The following FBLN2 variants were observed in gnomAD, a reference collection of about 807,000 sequenced individuals.
FBLN2 encodes the protein fibulin 2.
FBLN2 carries 81 observed loss-of-function variants against 123.7 expected under a neutral mutation model. That is an observed-to-expected ratio of 0.65 (90% confidence interval 0.55 to 0.79). The LOEUF (loss-of-function observed/expected upper bound fraction) is 0.79, where lower values mean the gene tolerates loss of function less well. FBLN2 is among the 30% of genes least tolerant of loss of function. The pLI, the probability that FBLN2 is intolerant of heterozygous loss-of-function variation, is 0.00. For synonymous variants in FBLN2, 699 were observed against 701.4 expected, an observed-to-expected ratio of 1.00 and a Z score of 0.05; for missense variants, 1,603 against 1,681.3, an observed-to-expected ratio of 0.95 and a Z score of 0.81.
Position 13,626,597 on chromosome 3 carries a change from G to A in FBLN2, c.2431+18G>A. The A allele has an allele frequency of 6.6e-7, 1 of 1,526,588 alleles. No homozygotes were observed. Among genetic ancestry groups the A allele is most frequent in the South Asian group, 1.2e-5 (1 of 81,950 alleles). The allele number at this position is 1,526,588 out of a possible 1,614,324, so 94.6% of individuals were successfully genotyped here. A position where few individuals can be genotyped will look rare whatever the true frequency, so the allele number is the denominator to read the frequency against. On this transcript the variant is annotated intron_variant, in intron 10 of 17. Transcript: ENST00000404922. ...GTGCGAAGGTGAGAAGGGCCCAGAA[G>A]GACCAACTGGAGGCCCCGCCCCATG...
At chr3:13,615,723 G>A (rs1705576162) in intron 5 of FBLN2, among the ~76,000 whole-genome samples, 1 of 152,236 alleles carries the variant, frequency 6.6e-6, no homozygotes, top group African/African-American at 2.4e-5. Context: ...CAGCTCAGAG[G>A]GGGAAGATGA....
In FBLN2 at chr3:13,630,037, A is replaced by AC. The variant is rs1405524998; in HGVS notation, c.2968+95dup. The AC allele has an allele frequency of 2.0e-6, 3 of 1,528,732 alleles. No homozygotes were observed. The African/African-American group carries it at 4.1e-5, about 21-fold the overall frequency. 94.7% of individuals were successfully genotyped at this position (1,528,732 alleles called of 1,614,324 possible). On this transcript the variant is annotated intron_variant, in intron 14 of 17. Coordinates refer to ENST00000404922, the MANE Select transcript of FBLN2 (RefSeq NM_001004019.2). ...GGCCCAGAGCCTTCTGTGACCCTTCACCCTTACACCTTCACCCTCACACCT... is the reference window on the plus strand; with the variant it reads ...GGCCCAGAGCCTTCTGTGACCCTTCACCCCTTACACCTTCACCCTCACACCT...
chr3:13,588,748 A>G (rs1457661322), intron 2 of FBLN2, among the ~76,000 whole-genome samples: 1 of 152,250 alleles, frequency 6.6e-6, no homozygotes, highest in Non-Finnish European at 1.5e-5. Context: ...TTGATTTTTT[A>G]TCAATCATTA....
intron 2 of FBLN2, among the ~76,000 whole-genome samples, chr3:13,574,863 C>A (rs1253586105): frequency 2.0e-5 from 3 of 152,194 alleles, no homozygotes; most frequent in Non-Finnish European, 2.9e-5. Flanking sequence ...GATCCCCCAC[C>A]CGCTGGGCTT....
At chr3:13,612,190 C>G (rs1705411739) in intron 4 of FBLN2, among the ~76,000 whole-genome samples, 1 of 152,088 alleles carries the variant, frequency 6.6e-6, no homozygotes, top group African/African-American at 2.4e-5. Context: ...TTGACAGGGT[C>G]TAGAAACGTT....
chr3:13,607,539 G>A (rs745983284), intron 2 of FBLN2, among the ~76,000 whole-genome samples: 3 of 152,150 alleles, frequency 2.0e-5, no homozygotes. Flanking sequence ...TAAAACTTCC[G>A]TGAATTTCCT....
At chr3:13,559,764 C>T (rs1703557541) in intron 1 of FBLN2, among the ~76,000 whole-genome samples, 1 of 152,130 alleles carries the variant, frequency 6.6e-6, no homozygotes, top group African/African-American at 2.4e-5. Flanking sequence ...CTCCAGGGGG[C>T]CAGAGCTGAT....
chr3:13,566,821 C>T (rs1317769893), intron 1 of FBLN2, among the ~76,000 whole-genome samples: 1 of 152,162 alleles, frequency 6.6e-6, no homozygotes, highest in Non-Finnish European at 1.5e-5. Context: ...TGCTGGTAAC[C>T]AATTTAAAAT....
At chr3:13,562,079 G>A (rs528607076) in intron 1 of FBLN2, among the ~76,000 whole-genome samples, 4 of 152,318 alleles carry the variant, frequency 2.6e-5, no homozygotes, top group Admixed American at 2.6e-4. Flanking sequence ...GATGCTTTGT[G>A]CCAAGAGCAA....
chr3:13,556,332 C>T (rs1331653721), intron 1 of FBLN2, among the ~76,000 whole-genome samples: 11 of 125,800 alleles, frequency 8.7e-5, no homozygotes, highest in Admixed American at 8.6e-5. Flanking sequence ...TGGGAAGCGG[C>T]GGACGGAGAG....
Position 13,637,794 on chromosome 3 carries a change from C to T in FBLN2, c.3571C>T (p.Leu1191=), listed in dbSNP as rs1478804306. The change falls in exon 18 of 18, where the codon CTG becomes TTG. Residue 1191 remains leucine, a synonymous_variant. Coordinates refer to ENST00000404922, the MANE Select transcript of FBLN2 (RefSeq NM_001004019.2). The part of the protein sequence containing the change: ...RLNAYTGVVY[L]QRAVLEPRDF... ...CAATGCCTACACGGGTGTGGTCTAC[C>T]TGCAGCGGGCCGTGCTGGAGCCCCG... 28 of 1,613,790 alleles carry T rather than the reference C, an allele frequency of 1.7e-5. No individual in the cohort carries two copies. The highest frequency in any genetic ancestry group is 2.4e-5 in the Non-Finnish European group (28 of 1,179,832).
intron 8 of FBLN2, 49 bp downstream of exon 8, chr3:13,619,880 G>A (rs763208589): frequency 1.4e-6 from 2 of 1,464,282 alleles, no homozygotes; most frequent in Non-Finnish European, 1.9e-6. Context: ...GAGTTGGCCT[G>A]TGATGGGGGC....
chr3:13,589,673 A>G (rs1704610325), intron 2 of FBLN2, among the ~76,000 whole-genome samples: 1 of 152,180 alleles, frequency 6.6e-6, no homozygotes, highest in South Asian at 2.1e-4. Context: ...ATATTCTCTA[A>G]TATTATCACA....
rs1553620822 is a variant in FBLN2, at chr3:13,610,920, T to TTA, written c.1548+1280_1548+1281dup. Among the ~76,000 whole-genome samples, 74 of 118,812 alleles carry TTA rather than the reference T, an allele frequency of 6.2e-4. 1 individual carries two copies. The highest frequency in any genetic ancestry group is 2.3e-3 in the African/African-American group (68 of 28,980). The allele number at this position is 118,812 out of a possible 152,430, so 77.9% of individuals were successfully genotyped here. On this transcript the variant is annotated intron_variant, in intron 4 of 17. Transcript: ENST00000404922. ...TAAATTATTATTATTATTATTATTATTATTATTTTGAGACAGAGTCTCTGT... is the reference window on the plus strand; with the variant it reads ...TAAATTATTATTATTATTATTATTATTATATTATTTTGAGACAGAGTCTCTGT...
chr3:13,602,708 G>A (rs373831190), intron 2 of FBLN2, among the ~76,000 whole-genome samples: 7 of 152,078 alleles, frequency 4.6e-5, no homozygotes, highest in Non-Finnish European at 7.4e-5. Flanking sequence ...TTGTTATGGG[G>A]GTATAGGAAA....
At chr3:13,579,092 A>C (rs1704238581) in intron 2 of FBLN2, among the ~76,000 whole-genome samples, 1 of 152,176 alleles carries the variant, frequency 6.6e-6, no homozygotes, top group Admixed American at 6.5e-5. Context: ...TTCCAGAGCG[A>C]CTGCACCATT....
chr3:13,555,602 C>T (rs1345847716), intron 1 of FBLN2, among the ~76,000 whole-genome samples: 4 of 152,110 alleles, frequency 2.6e-5, no homozygotes, highest in African/African-American at 9.6e-5. Flanking sequence ...CTACAGGCGC[C>T]CGCCACCATG....
At chr3:13,610,842 C>T (rs908574272) in intron 4 of FBLN2, among the ~76,000 whole-genome samples, 1 of 152,060 alleles carries the variant, frequency 6.6e-6, no homozygotes, top group Non-Finnish European at 1.5e-5. Flanking sequence ...TCTCATTTGC[C>T]ACCTCTTGGT....
At chr3:13,590,878 C>G (rs1017183418) in intron 2 of FBLN2, among the ~76,000 whole-genome samples, 7 of 152,216 alleles carry the variant, frequency 4.6e-5, no homozygotes, top group African/African-American at 1.7e-4. Flanking sequence ...TGAGCATTCT[C>G]GTCTGCGTCT....
Sources: gnomAD v4.1 joint callset for allele counts (sites outside exome capture counted in the v4.1 genomes callset) on GRCh38, gnomAD v4.1.1 for gene constraint, MANE v1.5 for transcripts, NCBI Gene and HGNC (gene_info 2026-07-23, HGNC 2026-07-21) for gene names.